Variants in EXOC4 observed in about 807,000 individuals in gnomAD.
EXOC4 encodes the protein exocyst complex component 4.
In EXOC4, 71 loss-of-function variants were observed where a neutral mutation model predicts 107.2. That is an observed-to-expected ratio of 0.66 (90% CI 0.55 to 0.81). The LOEUF (loss-of-function observed/expected upper bound fraction) is 0.81. Ranked by LOEUF, EXOC4 falls within the 30% of genes least tolerant of loss-of-function variation. EXOC4 has a pLI of 0.00. For synonymous variants in EXOC4, 456 were observed against 441.2 expected (o/e 1.03, Z -0.42); for missense variants, 1,108 against 1,189.6 (o/e 0.93, Z 1.01).
intron 10 of EXOC4, among the ~76,000 whole-genome samples, chr7:133,647,734 G>C (rs1400445859): frequency 1.3e-5 from 2 of 152,066 alleles, no homozygotes; most frequent in Non-Finnish European, 2.9e-5. Flanking sequence ...CAGTCAAACA[G>C]AGAGTAGATA....
At chr7:133,471,854 CTAA>C (rs1207873890) in intron 7 of EXOC4, among the ~76,000 whole-genome samples, 2 of 151,930 alleles carry the variant, frequency 1.3e-5, no homozygotes, top group African/African-American at 4.8e-5. Flanking sequence ...TAAATAAGGA[CTAA>C]TAATATCAGG....
intron 10 of EXOC4, among the ~76,000 whole-genome samples, chr7:133,681,607 C>T (rs2151068738): frequency 6.6e-6 from 1 of 152,292 alleles, no homozygotes; most frequent in East Asian, 1.9e-4. Flanking sequence ...CTTTGTAACA[C>T]CATGATTCAA....
At chr7:133,570,264 T>G (rs1000737378) in intron 9 of EXOC4, among the ~76,000 whole-genome samples, 1 of 152,186 alleles carries the variant, frequency 6.6e-6, no homozygotes, top group East Asian at 1.9e-4. Context: ...GACTGAAGAT[T>G]GGGACTTGGA....
At chr7:133,992,293 G>GT (rs1263335702) in intron 14 of EXOC4, among the ~76,000 whole-genome samples, 2 of 114,192 alleles carry the variant, frequency 1.8e-5, no homozygotes, top group African/African-American at 6.7e-5. Context: ...TTGTTTGTTT[G>GT]TTTTTTTGAT....
At chr7:134,016,148 TG>T (rs1195580527) in intron 17 of EXOC4, among the ~76,000 whole-genome samples, 1 of 151,862 alleles carries the variant, frequency 6.6e-6, no homozygotes, top group Non-Finnish European at 1.5e-5. Context: ...AGATCATCAG[TG>T]GTTGTGGTGA....
intron 10 of EXOC4, among the ~76,000 whole-genome samples, chr7:133,687,039 C>CTG (rs112623232): frequency 1.2e-3 from 125 of 107,218 alleles, no homozygotes; most frequent in East Asian, 0.011. Context: ...GTGTGTGTGT[C>CTG]TGTGTGTGTG....
intron 7 of EXOC4, among the ~76,000 whole-genome samples, chr7:133,404,318 T>C (rs1036557954): frequency 1.3e-5 from 2 of 152,028 alleles, no homozygotes; most frequent in African/African-American, 4.8e-5. Flanking sequence ...TTAGCTAGGA[T>C]GGTCTCGATC....
intron 10 of EXOC4, among the ~76,000 whole-genome samples, chr7:133,791,636 T>C (rs1796705682): frequency 6.6e-6 from 1 of 152,234 alleles, no homozygotes; most frequent in African/African-American, 2.4e-5. Flanking sequence ...AAATTAGTAA[T>C]ATAAGTTCTT....
At chr7:133,990,787 C>A (rs761933749) in intron 14 of EXOC4, among the ~76,000 whole-genome samples, 1 of 152,094 alleles carries the variant, frequency 6.6e-6, no homozygotes, top group Non-Finnish European at 1.5e-5. Flanking sequence ...GAATAATATT[C>A]CATTGTGTAT....
At chr7:133,268,559 C>T (rs1164994375) in intron 1 of EXOC4, among the ~76,000 whole-genome samples, 2 of 152,124 alleles carry the variant, frequency 1.3e-5, no homozygotes, top group African/African-American at 2.4e-5. Flanking sequence ...CAAAATTGCT[C>T]CACAGAAGGA....
At chr7:133,374,712 A>G (rs910939345) in intron 6 of EXOC4, 116 bp from the exon 7 acceptor site, 1 of 800,922 alleles carries the variant, frequency 1.2e-6, no homozygotes, top group South Asian at 2.1e-5. Flanking sequence ...TCTAACGTTA[A>G]TGCTGTTTAC....
chr7:133,311,694 C>T (rs571148633), intron 4 of EXOC4, among the ~76,000 whole-genome samples: 1 of 152,096 alleles, frequency 6.6e-6, no homozygotes, highest in Non-Finnish European at 1.5e-5. Flanking sequence ...TTCAGGAAAA[C>T]AGAGTCAAAG....
intron 7 of EXOC4, among the ~76,000 whole-genome samples, chr7:133,458,260 T>C (rs1292120267): frequency 6.6e-6 from 1 of 152,204 alleles, no homozygotes; most frequent in Non-Finnish European, 1.5e-5. Context: ...GACCTGACTC[T>C]GGGGGTTGGG....
chr7:133,622,275 G>T (rs943061408), intron 9 of EXOC4, among the ~76,000 whole-genome samples: 2 of 152,132 alleles, frequency 1.3e-5, no homozygotes, highest in South Asian at 2.1e-4. Flanking sequence ...ACACCTGGCC[G>T]ATTTTTTTTC....
intron 7 of EXOC4, among the ~76,000 whole-genome samples, chr7:133,388,145 A>G (rs983321838): frequency 6.6e-6 from 1 of 152,166 alleles, no homozygotes; most frequent in African/African-American, 2.4e-5. Flanking sequence ...AATTTCAAAC[A>G]TGTTCAGAAA....
intron 9 of EXOC4, among the ~76,000 whole-genome samples, chr7:133,528,089 T>G (rs1361313285): frequency 6.6e-6 from 1 of 152,202 alleles, no homozygotes; most frequent in Non-Finnish European, 1.5e-5. Flanking sequence ...TGATAACCAC[T>G]ATATTGTCCA....
intron 10 of EXOC4, among the ~76,000 whole-genome samples, chr7:133,729,707 T>C (rs760844419): frequency 8.5e-5 from 13 of 152,160 alleles, no homozygotes; most frequent in Non-Finnish European, 1.6e-4. Context: ...TAGTTAGTTA[T>C]AGATTTTTCT....
At chr7:133,608,865 G>A (rs1278170620) in intron 9 of EXOC4, among the ~76,000 whole-genome samples, 1 of 151,922 alleles carries the variant, frequency 6.6e-6, no homozygotes, top group Admixed American at 6.6e-5. Flanking sequence ...TGTATTTCTG[G>A]TAGTTTTATT....
At chr7:133,973,111 G>A (rs549542165) in intron 14 of EXOC4, among the ~76,000 whole-genome samples, 9 of 152,182 alleles carry the variant, frequency 5.9e-5, no homozygotes, top group Non-Finnish European at 1.2e-4. Flanking sequence ...CACAGTACCA[G>A]CTCTGTCCCT....
Sources: gnomAD v4.1 joint callset for allele counts (sites outside exome capture counted in the v4.1 genomes callset) on GRCh38, gnomAD v4.1.1 for gene constraint, MANE v1.5 for transcripts, NCBI Gene and HGNC (gene_info 2026-07-23, HGNC 2026-07-21) for gene names.